The following DBT variants were observed in gnomAD, a reference collection of about 807,000 sequenced individuals.
DBT encodes the protein lipoamide acyltransferase component of branched-chain alpha-keto acid dehydrogenase complex, mitochondrial.
DBT carries 40 observed loss-of-function variants against 51.3 expected under a neutral mutation model. The ratio of observed to expected loss-of-function variants is 0.78; its 90% CI spans 0.61 to 1.02. The LOEUF is 1.02. Ranked by LOEUF, DBT falls within the 50% of genes least tolerant of loss-of-function variation. DBT has a pLI of 0.00. For missense variants in DBT, 510 were observed against 580.2 expected (o/e 0.88, Z 1.24); for synonymous variants, 181 against 190.4 (o/e 0.95, Z 0.41).
chr1:100,231,753 G>C (rs1262439728), intron 3 of DBT, among the ~76,000 whole-genome samples: 1 of 152,174 alleles, frequency 6.6e-6, no homozygotes, highest in Admixed American at 6.5e-5. Flanking sequence ...AGTGCCAAAA[G>C]TTGTTAAAAA....
chr1:100,206,862 T>A (rs1214568307), intron 8 of DBT, among the ~76,000 whole-genome samples: 1 of 152,160 alleles, frequency 6.6e-6, no homozygotes, highest in Non-Finnish European at 1.5e-5. Context: ...GGTGGCTGGA[T>A]TACCTGAGGT....
intron 4 of DBT, among the ~76,000 whole-genome samples, chr1:100,221,633 T>G (rs1364446082): frequency 6.6e-6 from 1 of 152,214 alleles, no homozygotes; most frequent in Non-Finnish European, 1.5e-5. Flanking sequence ...ATGTGAGATT[T>G]TAGCCTTTGA....
At chr1:100,241,038 T>A (rs1169016535) in intron 1 of DBT, among the ~76,000 whole-genome samples, 154 bp from the exon 2 acceptor site, 1 of 152,212 alleles carries the variant, frequency 6.6e-6, no homozygotes, top group African/African-American at 2.4e-5. Context: ...ACATTTATGA[T>A]CCTTACCCAA....
chr1:100,205,374 T>A (rs1377034521), intron 10 of DBT, among the ~76,000 whole-genome samples: 1 of 152,166 alleles, frequency 6.6e-6, no homozygotes, highest in African/African-American at 2.4e-5. Flanking sequence ...TCACTGGTCA[T>A]TAGAGAAATG....
At chr1:100,237,347 C>G (rs566930249) in intron 2 of DBT, among the ~76,000 whole-genome samples, 143 of 152,246 alleles carry the variant, frequency 9.4e-4, no homozygotes, top group Non-Finnish European at 1.5e-3. Context: ...TATTAGGGAG[C>G]CTGGGCGTAA....
rs1660756273 is a variant in DBT, at chr1:100,190,405, T to C, written c.*5850A>G. On this transcript the variant is annotated 3_prime_UTR_variant, in exon 11 of 11. Transcript: ENST00000370132. ...AATAGTTACAAATAAATGACATGGC[T>C]CTACCTAACTGCAGGCTGAAAGAAA... 1 of 152,254 alleles carries C rather than the reference T, an allele frequency of 6.6e-6. No homozygotes were observed. Among genetic ancestry groups the C allele is most frequent in the Admixed American group, 6.5e-5 (1 of 15,282 alleles). 9.4% of individuals were successfully genotyped at this position (152,254 alleles called of 1,614,324 possible). A position where few individuals can be genotyped will look rare whatever the true frequency, so the allele number is the denominator to read the frequency against.
intron 3 of DBT, among the ~76,000 whole-genome samples, chr1:100,232,292 GGTT>G (rs35509059): frequency 0.79 from 119,235 of 150,532 alleles, 48,575 homozygotes; most frequent in East Asian, 0.95. Flanking sequence ...GGAGCATCTG[GGTT>G]GTTGTTGTTG....
chr1:100,198,441 T>C (rs1661232297), intron 10 of DBT, among the ~76,000 whole-genome samples: 1 of 152,226 alleles, frequency 6.6e-6, no homozygotes, highest in Non-Finnish European at 1.5e-5. Context: ...GTAAATGTAC[T>C]TAATGCCACT....
At chr1:100,233,229 G>A (rs905547040) in intron 3 of DBT, among the ~76,000 whole-genome samples, 1 of 152,162 alleles carries the variant, frequency 6.6e-6, no homozygotes, top group Non-Finnish European at 1.5e-5. Context: ...AAGCAAGCTA[G>A]AGTGGCTATA....
At chr1:100,224,557 T>C (rs949016856) in intron 4 of DBT, among the ~76,000 whole-genome samples, 21 of 152,156 alleles carry the variant, frequency 1.4e-4, no homozygotes, top group African/African-American at 5.1e-4. Flanking sequence ...GTTTAAAGCA[T>C]ATTATGAATG....
chr1:100,213,453 C>T, intron 7 of DBT: 1 of 1,564,608 alleles, frequency 6.4e-7, no homozygotes, highest in Non-Finnish European at 8.8e-7. Context: ...ACCCACCATC[C>T]CAGGGTCTAC....
At chr1:100,242,442 AG>A (rs1017093535) in intron 1 of DBT, among the ~76,000 whole-genome samples, 1 of 152,174 alleles carries the variant, frequency 6.6e-6, no homozygotes, top group Non-Finnish European at 1.5e-5. Flanking sequence ...CTGAAGGCAA[AG>A]AAAAACTGAA....
chr1:100,223,235 G>A (rs146411427), intron 4 of DBT, among the ~76,000 whole-genome samples: 1 of 152,250 alleles, frequency 6.6e-6, no homozygotes, highest in East Asian at 1.9e-4. Flanking sequence ...AAAAGTTTTG[G>A]AACAAAGAGG....
intron 3 of DBT, among the ~76,000 whole-genome samples, chr1:100,234,850 A>G (rs887377533): frequency 6.6e-6 from 1 of 152,226 alleles, no homozygotes; most frequent in African/African-American, 2.4e-5. Context: ...GATTCTTAAA[A>G]GGATCTTTAA....
intron 4 of DBT, among the ~76,000 whole-genome samples, chr1:100,227,519 C>T (rs1004681375): frequency 2.0e-5 from 3 of 152,148 alleles, no homozygotes; most frequent in African/African-American, 7.2e-5. Context: ...ATCATCATTC[C>T]ACAACCACTA....
intron 4 of DBT, among the ~76,000 whole-genome samples, chr1:100,225,444 C>T (rs2100817039): frequency 6.6e-6 from 1 of 151,988 alleles, no homozygotes; most frequent in East Asian, 1.9e-4. Context: ...AACACAGGCC[C>T]CCCACAAAAT....
chr1:100,238,119 T>A (rs1185336695), intron 2 of DBT, among the ~76,000 whole-genome samples: 2 of 149,774 alleles, frequency 1.3e-5, no homozygotes, highest in African/African-American at 4.9e-5. Context: ...TCAAGATGAC[T>A]CTAGGTTTCC....
chr1:100,235,638 A>T (rs957756650), intron 2 of DBT, 127 bp from the exon 3 acceptor site: 1 of 590,082 alleles, frequency 1.7e-6, no homozygotes, highest in Non-Finnish European at 3.1e-6. Context: ...AGACAGAAAA[A>T]CAGCATTTTA....
chr1:100,235,019 G>A (rs1237805741), intron 3 of DBT, among the ~76,000 whole-genome samples: 2 of 152,058 alleles, frequency 1.3e-5, no homozygotes, highest in Non-Finnish European at 2.9e-5. Context: ...TCTGTTTCAG[G>A]CCCTTTTTTG....
Sources: allele counts gnomAD v4.1 joint callset (sites outside exome capture counted in the v4.1 genomes callset), GRCh38; gene constraint gnomAD v4.1.1; transcripts MANE v1.5; gene names NCBI Gene and HGNC (gene_info 2026-07-23, HGNC 2026-07-21).